Variants in MMP16 observed in about 807,000 individuals in gnomAD.
MMP16 encodes matrix metalloproteinase-16.
Under a neutral mutation model 67.8 loss-of-function variants are expected in MMP16, and 12 were observed. That is an observed-to-expected ratio of 0.18 (90% CI 0.11 to 0.29). The LOEUF is 0.29. Ranked by LOEUF, MMP16 falls within the 10% of genes least tolerant of loss-of-function variation. The pLI is 1.00. For synonymous variants in MMP16, 249 were observed against 255.9 expected (o/e 0.97, Z 0.26); for missense variants, 475 against 765.7 (o/e 0.62, Z 4.48).
rs1808038673 is a variant in MMP16, at chr8:88,035,210, T to C, written c.*6251A>G. On this transcript the variant is annotated 3_prime_UTR_variant, in exon 10 of 10. Coordinates refer to ENST00000286614, the MANE Select transcript of MMP16 (RefSeq NM_005941.5). This position sits in a 1 kb window ranked among gnomAD's most constrained non-coding sequence, Gnocchi z 4.7. ...GAAGCTAAGTGACCTAACATAAGTA[T>C]ATTTCCGTATTTATATTTAATTGAT... is the stretch of plus-strand genomic sequence containing the variant. 1 of 150,646 alleles carries C rather than the reference T, an allele frequency of 6.6e-6. No individual in the cohort carries two copies. Among genetic ancestry groups the C allele is most frequent in the Admixed American group, 6.6e-5 (1 of 15,064 alleles). The allele number at this position is 150,646 out of a possible 1,614,324, so 9.3% of individuals were successfully genotyped here. A position where few individuals can be genotyped will look rare whatever the true frequency, so the allele number is the denominator to read the frequency against.
intron 5 of MMP16, among the ~76,000 whole-genome samples, chr8:88,117,422 T>C (rs1449161947): frequency 6.6e-6 from 1 of 152,152 alleles, no homozygotes; most frequent in Non-Finnish European, 1.5e-5. Context: ...TCTCAAGAGA[T>C]TCATGTTTTT....
At chr8:88,121,890 T>C (rs1807844193) in intron 4 of MMP16, among the ~76,000 whole-genome samples, 1 of 152,086 alleles carries the variant, frequency 6.6e-6, no homozygotes, top group Non-Finnish European at 1.5e-5. Context: ...TCAGATACTG[T>C]CTTCTCCGCT....
chr8:88,116,946 G>T (rs1032479577), intron 5 of MMP16, among the ~76,000 whole-genome samples: 1 of 152,048 alleles, frequency 6.6e-6, no homozygotes, highest in Non-Finnish European at 1.5e-5. Flanking sequence ...CAGGTAGCTA[G>T]GTTTTCTTTG....
At chr8:88,069,462 C>A in intron 7 of MMP16, 1 of 531,620 alleles carries the variant, frequency 1.9e-6, no homozygotes. Flanking sequence ...TTCTAGAATC[C>A]ATTTCCAATG....
rs189974786 is a variant in MMP16 at position 88,041,431 on chromosome 8, C to T, written c.*30G>A. The T allele has an allele frequency of 6.0e-5, 95 of 1,583,384 alleles. No individual in the cohort carries two copies. Among genetic ancestry groups the T allele is most frequent in the East Asian group, 4.0e-4 (18 of 44,466 alleles). On this transcript the variant is annotated 3_prime_UTR_variant, in exon 10 of 10. Coordinates refer to ENST00000286614, the MANE Select transcript of MMP16 (RefSeq NM_005941.5). This position sits in a 1 kb window ranked among gnomAD's most constrained non-coding sequence, Gnocchi z 6.0. ...AATCTCAAGTTACCACAAACTCCTG[C>T]AAAAGAAAGAAAGAAGAAAAAACCC...
chr8:88,185,074 T>C (rs1417071321), intron 3 of MMP16, among the ~76,000 whole-genome samples: 2 of 152,136 alleles, frequency 1.3e-5, no homozygotes, highest in Non-Finnish European at 2.9e-5. Flanking sequence ...ATTTTTCTTA[T>C]CTGCAGAAAT....
chr8:88,230,629 C>T (rs1024463493), intron 1 of MMP16, among the ~76,000 whole-genome samples: 9 of 151,116 alleles, frequency 6.0e-5, no homozygotes, highest in African/African-American at 2.2e-4. Flanking sequence ...ACATAACATG[C>T]CATTTTATAC....
At chr8:88,250,781 T>A (rs1810198622) in intron 1 of MMP16, among the ~76,000 whole-genome samples, 2 of 150,392 alleles carry the variant, frequency 1.3e-5, no homozygotes, top group African/African-American at 4.9e-5. Flanking sequence ...TTTTTTTTAA[T>A]TTTTTTTTAT....
chr8:88,174,824 G>A (rs1391303291), intron 3 of MMP16, among the ~76,000 whole-genome samples: 1 of 150,562 alleles, frequency 6.6e-6, no homozygotes, highest in East Asian at 2.0e-4. Flanking sequence ...GCACAATCTC[G>A]GCTCACTGCA....
intron 1 of MMP16, among the ~76,000 whole-genome samples, chr8:88,198,416 A>G (rs904596998): frequency 6.6e-6 from 1 of 152,144 alleles, no homozygotes; most frequent in Non-Finnish European, 1.5e-5. Flanking sequence ...ATTTGCCAGC[A>G]TGTGTTACCC....
intron 6 of MMP16, among the ~76,000 whole-genome samples, chr8:88,108,609 T>C (rs1225876625): frequency 6.6e-6 from 1 of 151,292 alleles, no homozygotes; most frequent in Non-Finnish European, 1.5e-5. Context: ...TGGTGATTGA[T>C]AGCGCTGGGA....
chr8:88,178,433 A>T (rs534849195), intron 3 of MMP16, among the ~76,000 whole-genome samples: 1 of 152,354 alleles, frequency 6.6e-6, no homozygotes, highest in South Asian at 2.1e-4. Flanking sequence ...TAGATTAAAC[A>T]TGGCAAAGGA....
chr8:88,172,293 T>A (rs1404639948), intron 3 of MMP16, among the ~76,000 whole-genome samples: 2 of 152,162 alleles, frequency 1.3e-5, no homozygotes, highest in Non-Finnish European at 1.5e-5. Flanking sequence ...TACAATGTAG[T>A]GGTAATTTAA....
chr8:88,218,136 G>C (rs1809623102), intron 1 of MMP16, among the ~76,000 whole-genome samples: 1 of 151,964 alleles, frequency 6.6e-6, no homozygotes, highest in South Asian at 2.1e-4. Flanking sequence ...AACTTGGAGA[G>C]GGGTATTATG....
intron 1 of MMP16, among the ~76,000 whole-genome samples, chr8:88,247,106 G>A (rs776841766): frequency 1.3e-5 from 2 of 152,042 alleles, no homozygotes; most frequent in Admixed American, 6.6e-5. Context: ...TCCAAGAACC[G>A]CAGAGCCATA....
chr8:88,067,499 T>C (rs958739890), intron 7 of MMP16, among the ~76,000 whole-genome samples: 2 of 152,250 alleles, frequency 1.3e-5, no homozygotes, highest in South Asian at 2.1e-4. Flanking sequence ...AGTTTTGACA[T>C]ATGTACATAG....
intron 2 of MMP16, among the ~76,000 whole-genome samples, chr8:88,186,851 C>T (rs187034527): frequency 8.6e-5 from 13 of 151,364 alleles, no homozygotes; most frequent in African/African-American, 2.7e-4. Flanking sequence ...TTTCTTCTCT[C>T]TAATTTATTT....
intron 6 of MMP16, among the ~76,000 whole-genome samples, chr8:88,105,146 CTCATCT>C (rs1476766707): frequency 2.8e-5 from 2 of 72,070 alleles, no homozygotes; most frequent in East Asian, 8.2e-4. Context: ...TATCTTTTAT[CTCATCT>C]TTTTTTTTTT....
chr8:88,073,427 T>G (rs1808595129), intron 7 of MMP16, among the ~76,000 whole-genome samples: 1 of 152,116 alleles, frequency 6.6e-6, no homozygotes, highest in Non-Finnish European at 1.5e-5. Context: ...AGATGGGGAA[T>G]AATACAAACT....
Sources: gnomAD v4.1 joint callset for allele counts (sites outside exome capture counted in the v4.1 genomes callset) on GRCh38, gnomAD v4.1.1 for gene constraint, Gnocchi (gnomAD v3.1) non-coding constraint, MANE v1.5 for transcripts, NCBI Gene and HGNC (gene_info 2026-07-23, HGNC 2026-07-21) for gene names.